The following CDH20 variants were observed in gnomAD, a reference collection of about 807,000 sequenced individuals.
CDH20 encodes the protein cadherin-20.
CDH20 carries 29 observed loss-of-function variants against 74.2 expected under a neutral mutation model. The observed-to-expected ratio is 0.39, with a 90% confidence interval of 0.29 to 0.53. The LOEUF (loss-of-function observed/expected upper bound fraction) is 0.53, where lower values mean the gene tolerates loss of function less well. Among genes scored for constraint, CDH20 ranks in the 20% least tolerant of loss-of-function variants. The pLI, the probability that CDH20 is intolerant of heterozygous loss-of-function variation, is 0.69. For synonymous variants in CDH20, 469 were observed against 405.4 expected, an observed-to-expected ratio of 1.16 and a Z score of -1.88; for missense variants, 988 against 1,048.3, an observed-to-expected ratio of 0.94 and a Z score of 0.79.
chr18:61,536,772 G>A (rs1479361818), intron 8 of CDH20, 143 bp downstream of exon 8: 3 of 713,572 alleles, frequency 4.2e-6, no homozygotes, highest in Non-Finnish European at 6.9e-6. Flanking sequence ...GTAAGTAAAT[G>A]CGTTCAGTTC....
chr18:61,515,448 A>G (rs1275295996), intron 6 of CDH20, among the ~76,000 whole-genome samples: 2 of 151,970 alleles, frequency 1.3e-5, no homozygotes, highest in Non-Finnish European at 2.9e-5. Flanking sequence ...GAAATGCAGA[A>G]ATCACCCGTC....
intron 1 of CDH20, among the ~76,000 whole-genome samples, chr18:61,386,677 G>A (rs989052049): frequency 4.6e-5 from 7 of 152,046 alleles, no homozygotes; most frequent in African/African-American, 7.2e-5. Context: ...CCTAGCTATT[G>A]AACAATAGAA....
chr18:61,445,546 AAAATGAAGCTCAG>A (rs1319667496), intron 1 of CDH20, among the ~76,000 whole-genome samples: 1 of 152,240 alleles, frequency 6.6e-6, no homozygotes, highest in Non-Finnish European at 1.5e-5. Flanking sequence ...AAAGATAGGA[AAAATGAAGCTCAG>A]AAATGTTAAG....
chr18:61,415,634 C>A (rs1198443330), intron 1 of CDH20, among the ~76,000 whole-genome samples: 5 of 152,158 alleles, frequency 3.3e-5, no homozygotes, highest in East Asian at 1.9e-4. Context: ...TTAATTTCAA[C>A]ATCATCACTC....
Position 61,508,268 on chromosome 18 carries a change from C to T in CDH20, c.1017+708C>T, listed in dbSNP as rs1047321775. The stretch of plus-strand genomic sequence containing the variant: ...AAATTTATTGAGTGCCACCTATGTG[C>T]CAGATATTGTTACAGGCATTTAATA... On this transcript the variant is annotated intron_variant, in intron 6 of 11. Transcript: ENST00000262717. Among the ~76,000 whole-genome samples the T allele has an allele frequency of 4.9e-4, 74 of 152,088 alleles. 4 individuals carry two copies.
chr18:61,351,559 G>T lies in CDH20; in HGVS notation c.-153+17732G>T, dbSNP rs537182599. On this transcript the variant is annotated intron_variant, in intron 1 of 11. Coordinates refer to ENST00000262717, the MANE Select transcript of CDH20 (RefSeq NM_031891.4). ...AGGAAACACACAATAAATGGTAGCT[G>T]CAAATATTATCAGGAGAGAAGAACT... Among the ~76,000 whole-genome samples the T allele has an allele frequency of 1.2e-4, 19 of 152,098 alleles. No homozygotes were observed. In the South Asian group the frequency reaches 3.7e-3, roughly 30 times the overall value.
chr18:61,418,350 C>T (rs550973469), intron 1 of CDH20, among the ~76,000 whole-genome samples: 336 of 151,960 alleles, frequency 2.2e-3, no homozygotes, highest in African/African-American at 7.6e-3. Flanking sequence ...GTCAGGAGAT[C>T]GAGACCATAC....
chr18:61,429,148 T>C (rs1222470324), intron 1 of CDH20, among the ~76,000 whole-genome samples: 1 of 152,166 alleles, frequency 6.6e-6, no homozygotes, highest in African/African-American at 2.4e-5. Flanking sequence ...TTTGACTCCC[T>C]TGCTACAGTC....
chr18:61,389,749 A>T (rs748655423), intron 1 of CDH20, among the ~76,000 whole-genome samples: 2 of 152,104 alleles, frequency 1.3e-5, no homozygotes, highest in African/African-American at 2.4e-5. Context: ...ATAAACACTA[A>T]TCTGCTTGTA....
intron 1 of CDH20, among the ~76,000 whole-genome samples, chr18:61,390,495 T>C (rs551054150): frequency 6.6e-6 from 1 of 152,236 alleles, no homozygotes; most frequent in South Asian, 2.1e-4. Flanking sequence ...CTAAAATCCA[T>C]TTTGAAGAAT....
At chr18:61,544,905 C>A in intron 9 of CDH20, 122 bp from the exon 10 acceptor site, 1 of 698,306 alleles carries the variant, frequency 1.4e-6, no homozygotes. Flanking sequence ...TCTCCCATAC[C>A]AATGATATCC....
At chr18:61,445,957 G>T (rs991310285) in intron 1 of CDH20, among the ~76,000 whole-genome samples, 1 of 152,104 alleles carries the variant, frequency 6.6e-6, no homozygotes, top group Non-Finnish European at 1.5e-5. Context: ...CCAGGCTTAA[G>T]TGTCCCTGTA....
intron 9 of CDH20, among the ~76,000 whole-genome samples, chr18:61,544,042 A>G (rs1913137189): frequency 6.6e-6 from 1 of 152,236 alleles, no homozygotes; most frequent in Non-Finnish European, 1.5e-5. Flanking sequence ...TATTTAGGTA[A>G]CATTTATCCT....
intron 8 of CDH20, among the ~76,000 whole-genome samples, chr18:61,537,498 A>G (rs901369504): frequency 6.6e-6 from 1 of 152,244 alleles, no homozygotes; most frequent in African/African-American, 2.4e-5. Flanking sequence ...TATAATACAG[A>G]TGCTTTCAAA....
At chr18:61,349,617 C>G (rs962460323) in intron 1 of CDH20, among the ~76,000 whole-genome samples, 3 of 152,114 alleles carry the variant, frequency 2.0e-5, no homozygotes, top group African/African-American at 7.2e-5. Context: ...TCTACGGATT[C>G]AGCACCTAGG....
At chr18:61,472,063 G>C (rs540897978) in intron 1 of CDH20, among the ~76,000 whole-genome samples, 1 of 152,086 alleles carries the variant, frequency 6.6e-6, no homozygotes, top group South Asian at 2.1e-4. Context: ...GTTTGATTCC[G>C]TTAAGAAATC....
chr18:61,393,533 A>C (rs1446663053), intron 1 of CDH20, among the ~76,000 whole-genome samples: 1 of 152,174 alleles, frequency 6.6e-6, no homozygotes, highest in Non-Finnish European at 1.5e-5. Flanking sequence ...TAATGGTTTT[A>C]TTTTTTAAGG....
chr18:61,508,581 T>A (rs574926930), intron 6 of CDH20, among the ~76,000 whole-genome samples: 1 of 152,142 alleles, frequency 6.6e-6, no homozygotes, highest in Non-Finnish European at 1.5e-5. Context: ...TAAAAAGGAA[T>A]GGACTAACAG....
intron 1 of CDH20, among the ~76,000 whole-genome samples, chr18:61,393,696 T>C (rs1419027938): frequency 6.6e-6 from 1 of 152,244 alleles, no homozygotes; most frequent in Non-Finnish European, 1.5e-5. Context: ...GAAATGTCTC[T>C]GACTTCTTTT....
Sources: allele counts gnomAD v4.1 joint callset (sites outside exome capture counted in the v4.1 genomes callset), GRCh38; gene constraint gnomAD v4.1.1; transcripts MANE v1.5; gene names NCBI Gene and HGNC (gene_info 2026-07-23, HGNC 2026-07-21).